The following SOX5 variants were observed in gnomAD, a reference collection of about 807,000 sequenced individuals.
SOX5 encodes transcription factor SOX-5.
In SOX5, 9 loss-of-function variants were observed where a neutral mutation model predicts 92.0. The ratio of observed to expected loss-of-function variants is 0.10; its 90% CI spans 0.06 to 0.17. The LOEUF (loss-of-function observed/expected upper bound fraction) is 0.17. Ranked by LOEUF, SOX5 falls within the 10% of genes least tolerant of loss-of-function variation. The pLI, the probability that SOX5 is intolerant of heterozygous loss-of-function variation, is 1.00. For synonymous variants in SOX5, 344 were observed against 336.3 expected (o/e 1.02, Z -0.25); for missense variants, 642 against 944.5 (o/e 0.68, Z 4.20).
intron 1 of SOX5, among the ~76,000 whole-genome samples, chr12:23,907,338 A>T (rs1425787423): frequency 6.6e-6 from 1 of 152,092 alleles, no homozygotes; most frequent in African/African-American, 2.4e-5. Flanking sequence ...TCTTTTTTTT[A>T]TGGAACCCGT....
At chr12:24,424,809 G>GA (rs934548206) in intron 1 of SOX5, among the ~76,000 whole-genome samples, 16 of 128,396 alleles carry the variant, frequency 1.2e-4, no homozygotes, top group African/African-American at 4.3e-4. Flanking sequence ...TTTTTTTTTT[G>GA]GGGGGGGGGG....
At chr12:24,257,836 T>A (rs1941459994) in intron 3 of SOX5, among the ~76,000 whole-genome samples, 1 of 152,112 alleles carries the variant, frequency 6.6e-6, no homozygotes, top group Non-Finnish European at 1.5e-5. Flanking sequence ...GTGCTTTTAA[T>A]TGTACAACTA....
At position 24,346,579 on chromosome 12, in the gene SOX5, A is replaced by G. The variant is rs185955766; in HGVS notation, c.-174+21984T>C. On this transcript the variant is annotated intron_variant, in intron 2 of 4. Coordinates refer to the SOX5 transcript ENST00000446891. ...CAATTCTCCTGCCTCAGCCTCCCCA[A>G]GTAGCTGGGACTACAGGTGCGTGCC... Among the ~76,000 whole-genome samples, 73 of 151,722 alleles carry G rather than the reference A, an allele frequency of 4.8e-4. 2 individuals are homozygous for G. Among genetic ancestry groups the G allele is most frequent in the Middle Eastern group, 6.8e-3 (2 of 294 alleles).
rs1938698381 is a variant in SOX5, at chr12:23,530,291, A to G, written c.*3928T>C. 1 of 152,204 alleles carries G rather than the reference A, an allele frequency of 6.6e-6. No homozygotes were observed. Among genetic ancestry groups the G allele is most frequent in the African/African-American group, 2.4e-5 (1 of 41,452 alleles). The allele number at this position is 152,204 out of a possible 1,614,324, so 9.4% of individuals were successfully genotyped here. A position where few individuals can be genotyped will look rare whatever the true frequency, so the allele number is the denominator to read the frequency against. On this transcript the variant is annotated 3_prime_UTR_variant, in exon 15 of 15. Transcript: ENST00000451604. ...ATGAGTGAAAGTGTAATTATTTTTTATGTTTTAAATGTGATATAAGAGGTT... is the reference window on the plus strand; with the variant it reads ...ATGAGTGAAAGTGTAATTATTTTTTGTGTTTTAAATGTGATATAAGAGGTT...
chr12:23,736,806 T>G (rs1184441938), intron 5 of SOX5, among the ~76,000 whole-genome samples: 1 of 151,348 alleles, frequency 6.6e-6, no homozygotes, highest in Non-Finnish European at 1.5e-5. Context: ...TTCATCTGCC[T>G]CAGCCTCCCG....
At position 24,268,547 on chromosome 12, in the gene SOX5, A is replaced by G. The variant is rs113585963; in HGVS notation, c.-77+8669T>C. On this transcript the variant is annotated intron_variant, in intron 3 of 4. Coordinates refer to the SOX5 transcript ENST00000446891. ...CTAAAACAAAAATGTTACACCTTTC[A>G]GAAGATATACGATCATATAATGAAT... Among the ~76,000 whole-genome samples, 646 of 152,338 alleles carry G rather than the reference A, an allele frequency of 4.2e-3. 9 individuals are homozygous for G. The highest frequency in any genetic ancestry group is 0.015 in the African/African-American group (623 of 41,584).
At chr12:24,211,678 G>C (rs949649391) in intron 4 of SOX5, among the ~76,000 whole-genome samples, 14 of 152,188 alleles carry the variant, frequency 9.2e-5, no homozygotes, top group Admixed American at 4.6e-4. Flanking sequence ...TAATGTAGTA[G>C]ACCTGCATCA....
chr12:23,951,003 A>T (rs985567955), upstream of SOX5: 45 of 623,224 alleles, frequency 7.2e-5, no homozygotes, highest in Admixed American at 2.6e-4. Flanking sequence ...ACACACACAC[A>T]CTCACTCACG....
chr12:23,920,694 G>C (rs1475443164), intron 1 of SOX5: 1 of 152,120 alleles, frequency 6.6e-6, no homozygotes, highest in African/African-American at 2.4e-5. Context: ...CTGTCTATAA[G>C]TGGGAGAAAA....
At chr12:24,221,530 T>C (rs1486332412) in intron 3 of SOX5, among the ~76,000 whole-genome samples, 1 of 152,204 alleles carries the variant, frequency 6.6e-6, no homozygotes, top group East Asian at 1.9e-4. Context: ...CTTTTAAATC[T>C]CCATTTCTTA....
At chr12:24,439,343 T>C (rs556387038) in intron 1 of SOX5, among the ~76,000 whole-genome samples, 1 of 152,360 alleles carries the variant, frequency 6.6e-6, no homozygotes, top group East Asian at 1.9e-4. Flanking sequence ...ATTTGCTTTA[T>C]TGCGGTGGTC....
chr12:23,980,194 G>C (rs955012747), intron 4 of SOX5, among the ~76,000 whole-genome samples: 4 of 151,882 alleles, frequency 2.6e-5, no homozygotes, highest in African/African-American at 9.7e-5. Flanking sequence ...TGTTTTACTG[G>C]TGAAGCCCTT....
At chr12:23,871,044 T>C (rs893284018) in intron 2 of SOX5, among the ~76,000 whole-genome samples, 4 of 152,140 alleles carry the variant, frequency 2.6e-5, no homozygotes, top group Admixed American at 6.5e-5. Context: ...CTACTATCTT[T>C]TTTAAATTAT....
intron 2 of SOX5, among the ~76,000 whole-genome samples, chr12:24,279,166 T>A (rs1056495758): frequency 1.3e-5 from 2 of 152,166 alleles, no homozygotes; most frequent in Admixed American, 1.3e-4. Flanking sequence ...CAGATTGTAG[T>A]TGGCATATTT....
intron 1 of SOX5, among the ~76,000 whole-genome samples, chr12:24,505,862 T>TGTGTGTGTGCGCGCGC (rs1171568056): frequency 7.6e-4 from 106 of 140,106 alleles, no homozygotes; most frequent in African/African-American, 1.1e-3. Flanking sequence ...TGCGTGTGTG[T>TGTGTGTGTGCGCGCGC]GTGTGTGTGT....
intron 7 of SOX5, among the ~76,000 whole-genome samples, chr12:23,652,187 A>G (rs1375561127): frequency 6.6e-6 from 1 of 152,052 alleles, no homozygotes. Context: ...TTTAATGAAC[A>G]TATATCTGCA....
At chr12:23,656,112 G>A (rs1289556204) in intron 7 of SOX5, among the ~76,000 whole-genome samples, 1 of 151,920 alleles carries the variant, frequency 6.6e-6, no homozygotes, top group East Asian at 1.9e-4. Flanking sequence ...AGAGCAAGAT[G>A]ACTTGCCCAA....
intron 4 of SOX5, among the ~76,000 whole-genome samples, chr12:24,010,189 G>A (rs1245255527): frequency 2.0e-5 from 3 of 152,102 alleles, no homozygotes. Flanking sequence ...ATTTGTCAAC[G>A]TTTTCAGAGT....
At chr12:23,828,775 T>C (rs149535694) in intron 3 of SOX5, among the ~76,000 whole-genome samples, 220 of 151,336 alleles carry the variant, frequency 1.5e-3, no homozygotes, top group Admixed American at 1.4e-3. Flanking sequence ...AAAGCACTTA[T>C]TCTTAATTTC....
Sources: gnomAD v4.1 joint callset for allele counts (sites outside exome capture counted in the v4.1 genomes callset) on GRCh38, gnomAD v4.1.1 for gene constraint, MANE v1.5 for transcripts, NCBI Gene and HGNC (gene_info 2026-07-23, HGNC 2026-07-21) for gene names.